Variants in GUCY2F observed in about 807,000 individuals in gnomAD.
GUCY2F encodes the protein retinal guanylyl cyclase 2.
GUCY2F carries 61 observed loss-of-function variants against 73.1 expected under a neutral mutation model. That is an observed-to-expected ratio of 0.83 (90% CI 0.68 to 1.03). The LOEUF (loss-of-function observed/expected upper bound fraction) is 1.03, where lower values mean the gene tolerates loss of function less well. Among genes scored for constraint, GUCY2F ranks in the 50% least tolerant of loss-of-function variants. The pLI is 0.00. For synonymous variants in GUCY2F, 331 were observed against 307.8 expected, an observed-to-expected ratio of 1.08 and a Z score of -0.79; for missense variants, 912 against 854.3, an observed-to-expected ratio of 1.07 and a Z score of -0.84.
intron 2 of GUCY2F, among the ~76,000 whole-genome samples, chrX:109,468,762 C>T (rs1932518681): frequency 8.9e-6 from 1 of 111,847 alleles, no homozygotes; most frequent in Non-Finnish European, 1.9e-5. Context: ...ACAGGCTCCT[C>T]TATTTTTTGC....
chrX:109,466,897 G>T (rs187495298), intron 2 of GUCY2F, among the ~76,000 whole-genome samples: 1 of 112,018 alleles, frequency 8.9e-6, no homozygotes, highest in East Asian at 2.8e-4. Context: ...AGCTAGAGCT[G>T]GTACCTTTTA....
rs112307584 is a variant in GUCY2F, at chrX:109,469,569, T to A, written c.731-4126A>T. ...CACCCCCCCATTCTACTGTCTTTGC[T>A]CTTTATTGTAACCCCTTTGTGATAT... On this transcript the variant is annotated intron_variant, in intron 2 of 19. Transcript: ENST00000218006. 7.4e-3 allele frequency among the ~76,000 whole-genome samples: 812 copies of A among 110,069 alleles called. 18 individuals carry two copies. Among genetic ancestry groups the A allele is most frequent in the African/African-American group, 0.024 (735 of 30,253 alleles).
chrX:109,445,585 C>A (rs1374292022), intron 6 of GUCY2F, among the ~76,000 whole-genome samples: 1 of 111,718 alleles, frequency 9.0e-6, no homozygotes, highest in Non-Finnish European at 1.9e-5. Context: ...GGTGGATAAG[C>A]TTTTTGATGT....
chrX:109,404,275 T>C (rs781308190), intron 10 of GUCY2F, 53 bp downstream of exon 10: 2 of 888,332 alleles, frequency 2.3e-6, no homozygotes, highest in South Asian at 4.9e-5. Context: ...ATATTTTCAT[T>C]TGAACTTTGG....
At chrX:109,413,618 C>G (rs895350332) in intron 8 of GUCY2F, among the ~76,000 whole-genome samples, 1 of 111,031 alleles carries the variant, frequency 9.0e-6, no homozygotes, top group East Asian at 2.8e-4. Flanking sequence ...GTTGGCCAGG[C>G]TGGTCTCGAA....
At chrX:109,431,420 C>T (rs893480401) in intron 7 of GUCY2F, among the ~76,000 whole-genome samples, 1 of 111,476 alleles carries the variant, frequency 9.0e-6, no homozygotes, top group Non-Finnish European at 1.9e-5. Flanking sequence ...GTAACCGGGC[C>T]GGGCGCGGTG....
intron 3 of GUCY2F, among the ~76,000 whole-genome samples, chrX:109,461,074 T>C (rs991556981): frequency 1.8e-5 from 2 of 112,031 alleles, no homozygotes; most frequent in Non-Finnish European, 3.8e-5. Flanking sequence ...TGGATTTAAC[T>C]ATAAATTGGG....
intron 11 of GUCY2F, among the ~76,000 whole-genome samples, chrX:109,397,545 T>A (rs1930738362): frequency 8.9e-6 from 1 of 112,457 alleles, no homozygotes; most frequent in Admixed American, 9.4e-5. Context: ...TGTTAATAAC[T>A]TACAGAAAAA....
intron 8 of GUCY2F, among the ~76,000 whole-genome samples, chrX:109,411,371 CA>C (rs1382597556): frequency 9.1e-6 from 1 of 110,431 alleles, no homozygotes; most frequent in Non-Finnish European, 1.9e-5. Flanking sequence ...GAGGACAGTA[CA>C]AAAGTCCAGC....
chrX:109,441,677 T>A (rs1398506849), intron 6 of GUCY2F, among the ~76,000 whole-genome samples, 195 bp from the exon 7 acceptor site: 2 of 110,415 alleles, frequency 1.8e-5, no homozygotes, highest in African/African-American at 6.6e-5. Flanking sequence ...TTAACCACCA[T>A]GCAGCACCAA....
chrX:109,475,760 G>C lies in GUCY2F; in HGVS notation c.177C>G (p.Gly59=). 1 of 1,210,458 alleles carries C rather than the reference G, an allele frequency of 8.3e-7. No homozygotes were observed. Among genetic ancestry groups the C allele is most frequent in the South Asian group, 1.8e-5 (1 of 56,920 alleles). The part of the protein sequence containing the change: ...WTLPYKIGVV[G]PWACDSLFSK... ...AAAACAGCGAATCACAAGCCCAAGGGCCCACCACCCCTATCTTGTAGGGGA... is the reference window on the plus strand; with the variant it reads ...AAAACAGCGAATCACAAGCCCAAGGCCCCACCACCCCTATCTTGTAGGGGA... Residue 59 remains glycine, a synonymous_variant, in exon 2 of 20, where the codon GGC becomes GGG. Coordinates refer to ENST00000218006, the MANE Select transcript of GUCY2F (RefSeq NM_001522.3).
At chrX:109,448,649 G>T (rs1414862588) in intron 5 of GUCY2F, among the ~76,000 whole-genome samples, 1 of 112,291 alleles carries the variant, frequency 8.9e-6, no homozygotes, top group Non-Finnish European at 1.9e-5. Flanking sequence ...AGATCTCCTA[G>T]CCTGAGGCAG....
chrX:109,458,188 T>C (rs372872325), intron 3 of GUCY2F, among the ~76,000 whole-genome samples: 1 of 112,040 alleles, frequency 8.9e-6, no homozygotes, highest in East Asian at 2.8e-4. Context: ...CACTTAGCAA[T>C]GTTACTTTGC....
chrX:109,397,047 C>G (rs1215062594), intron 11 of GUCY2F, among the ~76,000 whole-genome samples: 2 of 111,844 alleles, frequency 1.8e-5, no homozygotes, highest in Non-Finnish European at 3.8e-5. Flanking sequence ...GAGATAGGCA[C>G]TTGTGAGTAT....
At chrX:109,413,355 T>C (rs1271050524) in intron 8 of GUCY2F, among the ~76,000 whole-genome samples, 4 of 111,797 alleles carry the variant, frequency 3.6e-5, no homozygotes, top group Admixed American at 9.4e-5. Flanking sequence ...TGTTTAAGAG[T>C]TGAATGTGTC....
chrX:109,413,929 T>G (rs1209324002), intron 8 of GUCY2F, among the ~76,000 whole-genome samples: 1 of 110,774 alleles, frequency 9.0e-6, no homozygotes, highest in African/African-American at 3.3e-5. Context: ...CTGTCTATTT[T>G]GACAAGAAAA....
In GUCY2F at chrX:109,385,179, C is replaced by T; in HGVS notation, c.3055+5G>A. On this transcript the variant is annotated splice_donor_5th_base_variant and intron_variant, in intron 16 of 19. Coordinates refer to ENST00000218006, the MANE Select transcript of GUCY2F (RefSeq NM_001522.3). ...ATCCTATCCATCTCTCTATTAGGTA[C>T]TCACGTAAGCCTGTAGATTCCATCC... 2 of 1,042,765 alleles carry T rather than the reference C, an allele frequency of 1.9e-6. No homozygotes were observed. Among genetic ancestry groups the T allele is most frequent in the Non-Finnish European group, 2.7e-6 (2 of 745,126 alleles). 85.9% of individuals were successfully genotyped at this position (1,042,765 alleles called of 1,213,427 possible). A position where few individuals can be genotyped will look rare whatever the true frequency, so the allele number is the denominator to read the frequency against.
intron 17 of GUCY2F, 72 bp downstream of exon 17, chrX:109,382,046 C>G: frequency 1.8e-6 from 1 of 559,529 alleles, no homozygotes. Context: ...TAAACTCTTT[C>G]AGCAGACCAT....
rs775860341 is a variant in GUCY2F, at chrX:109,380,090, T to C, written c.3150+2028A>G. ...GGCGTGGAGGGAAGAAGGTTCTTAC[T>C]GGATATAAACCTTGAGCCCAAGAGA... is the stretch of plus-strand genomic sequence containing the variant. On this transcript the variant is annotated intron_variant, in intron 17 of 19. Coordinates refer to ENST00000218006, the MANE Select transcript of GUCY2F (RefSeq NM_001522.3). Among the ~76,000 whole-genome samples, 3 of 112,191 alleles carry C rather than the reference T, an allele frequency of 2.7e-5. No individual in the cohort carries two copies. The South Asian group carries it at 1.1e-3, about 42-fold the overall frequency.
Sources: allele counts gnomAD v4.1 joint callset (sites outside exome capture counted in the v4.1 genomes callset), GRCh38; gene constraint gnomAD v4.1.1; transcripts MANE v1.5; gene names NCBI Gene and HGNC (gene_info 2026-07-23, HGNC 2026-07-21).